Variants in NOVA1 observed in about 807,000 individuals in gnomAD.
The protein encoded by NOVA1 is NOVA alternative splicing regulator 1.
Under a neutral mutation model 38.0 loss-of-function variants are expected in NOVA1, and 7 were observed. The observed-to-expected ratio is 0.18, with a 90% CI of 0.10 to 0.35. The LOEUF (loss-of-function observed/expected upper bound fraction) is 0.35, where lower values mean the gene tolerates loss of function less well. Ranked by LOEUF, NOVA1 falls within the 10% of genes least tolerant of loss-of-function variation. The probability of loss-of-function intolerance (pLI) is 1.00; values close to 1 mark genes in which losing one functional copy is unlikely to be tolerated. For synonymous variants in NOVA1, 270 were observed against 232.5 expected, an observed-to-expected ratio of 1.16 and a Z score of -1.47; for missense variants, 460 against 616.0, an observed-to-expected ratio of 0.75 and a Z score of 2.68.
chr14:26,596,511 TGTG>T, intron 1 of NOVA1: 1 of 1,269,170 alleles, frequency 7.9e-7, no homozygotes, highest in Non-Finnish European at 1.0e-6. Flanking sequence ...TTCCAAATGT[TGTG>T]GTGTGCCACT....
chr14:26,451,446 C>T (rs947236142), intron 4 of NOVA1, among the ~76,000 whole-genome samples: 1 of 152,290 alleles, frequency 6.6e-6, no homozygotes, highest in Non-Finnish European at 1.5e-5. Context: ...CGACTCACTG[C>T]AACCTCCGCC....
rs1882229509 is a variant in NOVA1, at chr14:26,448,011, C to T, written c.1472G>A (p.Arg491Lys). Residue 491 changes from arginine (R) to lysine (K), a missense_variant, in exon 5 of 5, where the codon AGG (arginine) becomes AAG (lysine). Coordinates refer to ENST00000539517, the MANE Select transcript of NOVA1 (RefSeq NM_002515.3). This position sits in a 1 kb window ranked among gnomAD's most constrained non-coding sequence, Gnocchi z 5.3. ...TQAAQYLITQ[R>K]ITYEQGVRAA... is the part of the protein sequence containing the mutation. ...CCGAACTCCTTGCTCATATGTGATC[C>T]TTTGTGTAATTAAATATTGAGCAGC... 2 of 1,614,018 alleles carry T rather than the reference C, an allele frequency of 1.2e-6. No individual in the cohort carries two copies. Among genetic ancestry groups the T allele is most frequent in the Non-Finnish European group, 8.5e-7 (1 of 1,180,034 alleles).
intron 2 of NOVA1, among the ~76,000 whole-genome samples, chr14:26,551,039 C>T (rs1280764129): frequency 6.6e-6 from 1 of 151,830 alleles, no homozygotes; most frequent in African/African-American, 2.4e-5. Flanking sequence ...TTTAAGAAAT[C>T]TAGGAATTCT....
intron 2 of NOVA1, among the ~76,000 whole-genome samples, chr14:26,581,812 A>G (rs1189249523): frequency 6.6e-6 from 1 of 151,932 alleles, no homozygotes; most frequent in Non-Finnish European, 1.5e-5. Context: ...AATACAAAAT[A>G]ACAGAATGCT....
intron 2 of NOVA1, among the ~76,000 whole-genome samples, chr14:26,586,081 G>A (rs965834718): frequency 6.6e-6 from 1 of 151,266 alleles, no homozygotes; most frequent in African/African-American, 2.4e-5. Context: ...ACACACAGCA[G>A]GCAAGAAGGA....
At chr14:26,528,580 C>T (rs1337506230) in intron 2 of NOVA1, among the ~76,000 whole-genome samples, 3 of 151,950 alleles carry the variant, frequency 2.0e-5, no homozygotes, top group Admixed American at 6.6e-5. Context: ...CCTTAGACAC[C>T]GGCACACCCA....
intron 2 of NOVA1, among the ~76,000 whole-genome samples, chr14:26,546,333 A>C (rs1890786227): frequency 6.6e-6 from 1 of 152,144 alleles, no homozygotes; most frequent in African/African-American, 2.4e-5. Context: ...ACAGTAAAAC[A>C]TCTGAAGGTG....
chr14:26,574,966 T>C (rs759009047), intron 2 of NOVA1, among the ~76,000 whole-genome samples: 15 of 152,196 alleles, frequency 9.9e-5, no homozygotes, highest in Non-Finnish European at 2.1e-4. Flanking sequence ...GCCCAGCCTA[T>C]ACTGTCTTTT....
intron 2 of NOVA1, among the ~76,000 whole-genome samples, chr14:26,494,686 A>T (rs921817443): frequency 1.3e-5 from 2 of 152,094 alleles, no homozygotes; most frequent in East Asian, 3.9e-4. Context: ...TTTAGTCCCC[A>T]TGGTTGTAAA....
intron 4 of NOVA1, among the ~76,000 whole-genome samples, chr14:26,465,978 AG>A (rs952395769): frequency 2.6e-5 from 4 of 152,008 alleles, no homozygotes; most frequent in South Asian, 4.2e-4. Flanking sequence ...TCAGGAGTAC[AG>A]GGGGGGAAGG....
intron 2 of NOVA1, among the ~76,000 whole-genome samples, chr14:26,532,360 T>C (rs1889777572): frequency 6.6e-6 from 1 of 152,166 alleles, no homozygotes; most frequent in African/African-American, 2.4e-5. Flanking sequence ...TAAAAAGGAA[T>C]AAATTACACA....
intron 2 of NOVA1, among the ~76,000 whole-genome samples, chr14:26,498,147 C>A (rs1886956629): frequency 6.6e-6 from 1 of 152,068 alleles, no homozygotes; most frequent in Non-Finnish European, 1.5e-5. Context: ...GCAAGCTCTG[C>A]CTCCTGGGTT....
At chr14:26,485,195 A>T (rs1233369692) in intron 2 of NOVA1, among the ~76,000 whole-genome samples, 1 of 152,052 alleles carries the variant, frequency 6.6e-6, no homozygotes, top group Non-Finnish European at 1.5e-5. Context: ...ATACTCAACA[A>T]GTATTTTTTT....
Position 26,580,802 on chromosome 14 carries a change from TACA to T in NOVA1, c.280+14605_280+14607del, listed in dbSNP as rs199856407. Reference sequence around the variant, plus strand: ...TTTGGCATTCTATCACCTGCATTTTTACAACAATTATGAAAAAAACACTTCAAT... The same window carrying T: ...TTTGGCATTCTATCACCTGCATTTTTACAATTATGAAAAAAACACTTCAAT... On this transcript the variant is annotated intron_variant, in intron 2 of 4. Coordinates refer to ENST00000539517, the MANE Select transcript of NOVA1 (RefSeq NM_002515.3). Among the ~76,000 whole-genome samples the T allele has an allele frequency of 5.0e-4, 76 of 152,160 alleles. No homozygotes were observed. In the East Asian group the frequency reaches 0.011, roughly 22 times the overall value.
At chr14:26,469,781 G>C (rs1330065528) in intron 4 of NOVA1, among the ~76,000 whole-genome samples, 1 of 152,072 alleles carries the variant, frequency 6.6e-6, no homozygotes, top group Non-Finnish European at 1.5e-5. Flanking sequence ...CATTTTTAGA[G>C]ACAGGGTCTT....
At chr14:26,488,832 T>A (rs139152190) in intron 2 of NOVA1, among the ~76,000 whole-genome samples, 1,606 of 152,286 alleles carry the variant, frequency 0.011, 22 homozygotes, top group Middle Eastern at 0.034. Context: ...ACTTTTAAAT[T>A]TTTGCTATGA....
chr14:26,460,915 A>G (rs1566440058), intron 4 of NOVA1, among the ~76,000 whole-genome samples: 1 of 152,200 alleles, frequency 6.6e-6, no homozygotes, highest in Non-Finnish European at 1.5e-5. Flanking sequence ...TTGAAAAATG[A>G]AAAATTCTAT....
chr14:26,470,573 T>A, intron 4 of NOVA1: 1 of 1,007,516 alleles, frequency 9.9e-7, no homozygotes, highest in Non-Finnish European at 1.5e-6. Context: ...TACAAATGAC[T>A]TATTATTTCA....
chr14:26,521,655 G>A (rs1272291385), intron 2 of NOVA1, among the ~76,000 whole-genome samples: 2 of 151,918 alleles, frequency 1.3e-5, no homozygotes, highest in Non-Finnish European at 1.5e-5. Context: ...TAAAAGATAA[G>A]TAATCAAAGA....
Sources: allele counts gnomAD v4.1 joint callset (sites outside exome capture counted in the v4.1 genomes callset), GRCh38; gene constraint gnomAD v4.1.1; non-coding constraint Gnocchi (gnomAD v3.1); transcripts MANE v1.5; gene names NCBI Gene and HGNC (gene_info 2026-07-23, HGNC 2026-07-21).